Variants in RGS5 observed in about 807,000 individuals in gnomAD.
RGS5 encodes the protein regulator of G protein signaling 5.
Under a neutral mutation model 18.9 loss-of-function variants are expected in RGS5, and 20 were observed. The observed-to-expected ratio is 1.06, with a 90% CI of 0.74 to 1.54. The LOEUF (loss-of-function observed/expected upper bound fraction) is 1.54. Among genes scored for constraint, RGS5 ranks in the 40% most tolerant of loss-of-function variants. The pLI is 0.00. For synonymous variants in RGS5, 57 were observed against 76.2 expected, an observed-to-expected ratio of 0.75 and a Z score of 1.31; for missense variants, 201 against 211.8, an observed-to-expected ratio of 0.95 and a Z score of 0.32.
chr1:163,248,292 C>T (rs1298444395), intron 2 of RGS5: 1 of 152,050 alleles, frequency 6.6e-6, no homozygotes, highest in African/African-American at 2.4e-5. Context: ...GGATCAAAGA[C>T]TCCTGTTGTT....
chr1:163,177,942 T>G (rs1658629893), intron 1 of RGS5, among the ~76,000 whole-genome samples: 1 of 152,170 alleles, frequency 6.6e-6, no homozygotes, highest in Non-Finnish European at 1.5e-5. Context: ...CCAAAATCAC[T>G]GAGATACGCC....
chr1:163,289,618 T>C (rs1285742731), intron 2 of RGS5, among the ~76,000 whole-genome samples: 1 of 152,196 alleles, frequency 6.6e-6, no homozygotes, highest in Admixed American at 6.5e-5. Context: ...TTTGAAAAAG[T>C]CAATCTTTCT....
chr1:163,175,575 A>G (rs1185225353), intron 1 of RGS5, among the ~76,000 whole-genome samples: 1 of 152,182 alleles, frequency 6.6e-6, no homozygotes, highest in Non-Finnish European at 1.5e-5. Flanking sequence ...TCTTAACTGC[A>G]GAGAAAGGCA....
chr1:163,210,982 A>G (rs1318107606), intron 1 of RGS5: 1 of 152,202 alleles, frequency 6.6e-6, no homozygotes, highest in Admixed American at 6.5e-5. Context: ...AATCTGGATT[A>G]TGCATATGGA....
intron 1 of RGS5, among the ~76,000 whole-genome samples, chr1:163,313,700 A>C (rs56032420): frequency 6.6e-6 from 1 of 152,212 alleles, no homozygotes; most frequent in Non-Finnish European, 1.5e-5. Context: ...TCATAGGTCT[A>C]TATCTTTTGT....
At chr1:163,211,082 G>A (rs1346937534) in intron 1 of RGS5, 1 of 152,214 alleles carries the variant, frequency 6.6e-6, no homozygotes, top group African/African-American at 2.4e-5. Flanking sequence ...GTTTATCTAA[G>A]TTAATTGACT....
intron 1 of RGS5, among the ~76,000 whole-genome samples, chr1:163,188,625 G>A (rs574332497): frequency 6.6e-6 from 1 of 152,158 alleles, no homozygotes; most frequent in Non-Finnish European, 1.5e-5. Context: ...AGAGACACAG[G>A]AGGTTATTCC....
At chr1:163,165,289 TACA>T (rs1214249802) in intron 2 of RGS5, among the ~76,000 whole-genome samples, 1 of 152,140 alleles carries the variant, frequency 6.6e-6, no homozygotes, top group Non-Finnish European at 1.5e-5. Context: ...AAATGATCAC[TACA>T]ACAACAAACC....
intron 2 of RGS5, among the ~76,000 whole-genome samples, chr1:163,274,216 T>G (rs570149147): frequency 6.6e-6 from 1 of 152,254 alleles, no homozygotes; most frequent in African/African-American, 2.4e-5. Flanking sequence ...GACTACCAGA[T>G]AGCCTCAGAA....
chr1:163,181,884 T>C (rs1022301259), intron 1 of RGS5, among the ~76,000 whole-genome samples: 2 of 152,152 alleles, frequency 1.3e-5, no homozygotes, highest in African/African-American at 2.4e-5. Flanking sequence ...CAGAGTGACA[T>C]TGGACAAATT....
chr1:163,318,734 A>G (rs945115507), intron 1 of RGS5: 2 of 152,180 alleles, frequency 1.3e-5, no homozygotes, highest in Admixed American at 1.3e-4. Context: ...GAAATGCAAA[A>G]CGAGTTTCAA....
intron 2 of RGS5, among the ~76,000 whole-genome samples, chr1:163,286,061 C>T (rs1190619079): frequency 6.6e-6 from 1 of 151,662 alleles, no homozygotes; most frequent in Admixed American, 6.6e-5. Flanking sequence ...TACAGTCAGT[C>T]CTCCATATCC....
At chr1:163,156,768 C>T (rs1281672898) in intron 3 of RGS5, among the ~76,000 whole-genome samples, 1 of 152,120 alleles carries the variant, frequency 6.6e-6, no homozygotes, top group African/African-American at 2.4e-5. Context: ...ATTTCATGGG[C>T]AAGTTACCTA....
At chr1:163,209,801 T>C (rs1343671472) in intron 1 of RGS5, among the ~76,000 whole-genome samples, 1 of 152,156 alleles carries the variant, frequency 6.6e-6, no homozygotes, top group Admixed American at 6.5e-5. Context: ...AGAGATAGTT[T>C]TCTTTTTCTT....
chr1:163,218,271 T>A (rs570424290), upstream of RGS5, among the ~76,000 whole-genome samples: 3 of 152,312 alleles, frequency 2.0e-5, no homozygotes, highest in East Asian at 3.9e-4. Flanking sequence ...TAACTGAAAT[T>A]TAGCATTTCC....
intron 4 of RGS5, among the ~76,000 whole-genome samples, chr1:163,149,823 A>G (rs1303378524): frequency 6.6e-6 from 1 of 152,186 alleles, no homozygotes; most frequent in Non-Finnish European, 1.5e-5. Flanking sequence ...TTTCATCAAA[A>G]TTAAATAGTA....
Position 163,280,441 on chromosome 1 carries a change from T to A in RGS5, c.-281+25792A>T, listed in dbSNP as rs141366700. Among the ~76,000 whole-genome samples the A allele has an allele frequency of 6.5e-4, 99 of 151,932 alleles. 1 individual carries two copies. The highest frequency in any genetic ancestry group is 2.2e-3 in the African/African-American group (92 of 41,458). ...TCATCTCAATAGATATGAAAAAAAA[T>A]TTCATAAAATTCAATAACTTTTCAT... On this transcript the variant is annotated intron_variant, in intron 2 of 5. Coordinates refer to the RGS5 transcript ENST00000618415.
intron 2 of RGS5, among the ~76,000 whole-genome samples, chr1:163,268,161 A>G (rs1648616230): frequency 1.3e-5 from 2 of 152,090 alleles, no homozygotes; most frequent in Admixed American, 6.6e-5. Context: ...TGGTAGGGTT[A>G]TTAGCCCATC....
Position 163,246,263 on chromosome 1 carries a change from C to A in RGS5, c.-281+59970G>T, listed in dbSNP as rs1282305995. Among the ~76,000 whole-genome samples, 6 of 144,090 alleles carry A rather than the reference C, an allele frequency of 4.2e-5. No homozygotes were observed. The East Asian group carries it at 1.2e-3, about 30-fold the overall frequency. The allele number at this position is 144,090 out of a possible 152,430, so 94.5% of individuals were successfully genotyped here. ...TTAATTAAATAAATAAAAATAATAA[C>A]AATAAAAAAGAATAGCCAAGCACAG... On this transcript the variant is annotated intron_variant, in intron 2 of 5. Coordinates refer to the RGS5 transcript ENST00000618415.
Sources: allele counts gnomAD v4.1 joint callset (sites outside exome capture counted in the v4.1 genomes callset), GRCh38; gene constraint gnomAD v4.1.1; transcripts MANE v1.5; gene names NCBI Gene and HGNC (gene_info 2026-07-23, HGNC 2026-07-21).